Variants in CBLN2 observed in about 807,000 individuals in gnomAD.
CBLN2 encodes the protein cerebellin-2.
In CBLN2, 7 loss-of-function variants were observed where a neutral mutation model predicts 15.0. That is an observed-to-expected ratio of 0.47 (90% CI 0.27 to 0.88). The LOEUF (loss-of-function observed/expected upper bound fraction) is 0.88, where lower values mean the gene tolerates loss of function less well. CBLN2 is among the 40% of genes least tolerant of loss of function. The probability of loss-of-function intolerance (pLI) is 0.14; values close to 1 mark genes in which losing one functional copy is unlikely to be tolerated. For missense variants in CBLN2, 242 were observed against 304.5 expected (o/e 0.79, Z 1.53); for synonymous variants, 149 against 135.2 (o/e 1.10, Z -0.71).
intron 1 of CBLN2, among the ~76,000 whole-genome samples, chr18:72,628,019 T>C (rs1251241604): frequency 6.6e-6 from 1 of 152,220 alleles, no homozygotes; most frequent in East Asian, 1.9e-4. Context: ...TTATCTCCTG[T>C]GGTAAATCAT....
At chr18:72,596,566 T>C (rs902405517) in intron 1 of CBLN2, among the ~76,000 whole-genome samples, 7 of 152,202 alleles carry the variant, frequency 4.6e-5, no homozygotes, top group East Asian at 3.9e-4. Context: ...TTCTTTCAGA[T>C]TGAAGAATTT....
At chr18:72,577,006 TTA>T (rs1362278132) in intron 1 of CBLN2, among the ~76,000 whole-genome samples, 114 of 143,500 alleles carry the variant, frequency 7.9e-4, no homozygotes, top group Non-Finnish European at 1.2e-3. Flanking sequence ...ATGTGATAAT[TTA>T]TATATATAAT....
rs966116714 is a variant in CBLN2, at chr18:72,556,911, G to A, written c.16-18139C>T. Among the ~76,000 whole-genome samples the A allele has an allele frequency of 2.0e-5, 3 of 152,132 alleles. No homozygotes were observed. The South Asian group carries it at 6.2e-4, about 32-fold the overall frequency. On this transcript the variant is annotated intron_variant, in intron 1 of 2. Transcript: ENST00000581073. ...TAATAGCTAAGGATCTGAGAAAAAA[G>A]AACCAAATTATATGCAGACATAGGC...
rs1019838607 is a variant in CBLN2, at chr18:72,542,183, G to A, written c.-23C>T. ...CATCGGGACTGGTGGGAGGCGGCGC[G>A]CGGGGGTGGAGGCCGGCGCCGGCGC... is the stretch of plus-strand genomic sequence containing the variant. On this transcript the variant is annotated 5_prime_UTR_variant, in exon 3 of 5. Coordinates refer to ENST00000269503, the MANE Select transcript of CBLN2 (RefSeq NM_182511.4). 5.0e-6 allele frequency: 6 copies of A among 1,208,912 alleles called. No individual in the cohort carries two copies. The highest frequency in any genetic ancestry group is 8.3e-5 in the South Asian group (2 of 24,242). 74.9% of individuals were successfully genotyped at this position (1,208,912 alleles called of 1,614,324 possible). A position where few individuals can be genotyped will look rare whatever the true frequency, so the allele number is the denominator to read the frequency against.
intron 1 of CBLN2, among the ~76,000 whole-genome samples, chr18:72,586,961 T>TAA (rs2069447733): frequency 6.6e-6 from 1 of 152,022 alleles, no homozygotes. Context: ...TATATATATA[T>TAA]AAACCTGTTA....
At chr18:72,608,513 T>C (rs549283217) in intron 1 of CBLN2, among the ~76,000 whole-genome samples, 1 of 152,336 alleles carries the variant, frequency 6.6e-6, no homozygotes, top group African/African-American at 2.4e-5. Context: ...GATCTGATCT[T>C]ATGGATTTCA....
chr18:72,552,566 C>T (rs1237263388), intron 1 of CBLN2: 1 of 152,146 alleles, frequency 6.6e-6, no homozygotes, highest in Non-Finnish European at 1.5e-5. Context: ...AAAAGTGGAA[C>T]TCACAAAACA....
chr18:72,546,136 C>T (rs1291136383), upstream of CBLN2, among the ~76,000 whole-genome samples: 7 of 152,118 alleles, frequency 4.6e-5, no homozygotes, highest in East Asian at 1.3e-3. Context: ...AGTTGTTTCA[C>T]ATAAGAAGAT....
At chr18:72,550,255 G>T (rs2069183882) in intron 1 of CBLN2, among the ~76,000 whole-genome samples, 1 of 152,176 alleles carries the variant, frequency 6.6e-6, no homozygotes, top group Non-Finnish European at 1.5e-5. Context: ...AAAGTATATG[G>T]ATTTCCCCTC....
At position 72,614,219 on chromosome 18, in the gene CBLN2, T is replaced by G. The variant is rs72634455; in HGVS notation, c.15+24106A>C. 0.033 allele frequency among the ~76,000 whole-genome samples: 5,078 copies of G among 152,232 alleles called. 572 individuals are homozygous for G. In the East Asian group the frequency reaches 0.44, roughly 13 times the overall value. ...CTTTATAAACAAATGAAAATATGCA[T>G]TTCTCTTAAAAGCTATTTATACATT... On this transcript the variant is annotated intron_variant, in intron 1 of 2. Transcript: ENST00000581073.
intron 1 of CBLN2, among the ~76,000 whole-genome samples, chr18:72,626,612 A>G (rs2069741251): frequency 6.6e-6 from 1 of 152,194 alleles, no homozygotes; most frequent in African/African-American, 2.4e-5. Context: ...AGGTAGGAGA[A>G]TTGCTTGAAC....
At chr18:72,631,821 T>C (rs2069778762) in intron 1 of CBLN2, among the ~76,000 whole-genome samples, 1 of 152,062 alleles carries the variant, frequency 6.6e-6, no homozygotes, top group Admixed American at 6.6e-5. Context: ...GGAAATACAG[T>C]TCAAATTTAG....
chr18:72,558,585 C>G (rs1455584754), intron 1 of CBLN2, among the ~76,000 whole-genome samples: 3 of 152,118 alleles, frequency 2.0e-5, no homozygotes, highest in African/African-American at 7.2e-5. Context: ...TGGAAGTAAT[C>G]CCATTACTTC....
intron 1 of CBLN2, among the ~76,000 whole-genome samples, chr18:72,615,280 ATAT>A: frequency 3.0e-5 from 1 of 33,486 alleles, no homozygotes; most frequent in African/African-American, 4.2e-5. Flanking sequence ...ATATATATAT[ATAT>A]TTTTTTTTTG....
chr18:72,595,618 T>A (rs2069508399), intron 1 of CBLN2, among the ~76,000 whole-genome samples: 1 of 152,176 alleles, frequency 6.6e-6, no homozygotes. Flanking sequence ...GAAAGTGGAA[T>A]GTTGGCATCT....
chr18:72,586,182 C>G (rs572699247), intron 1 of CBLN2, among the ~76,000 whole-genome samples: 1 of 152,336 alleles, frequency 6.6e-6, no homozygotes, highest in Admixed American at 6.5e-5. Flanking sequence ...CCATGCCTCC[C>G]CTGCTGCAGC....
At chr18:72,618,711 C>T in intron 1 of CBLN2, 2 of 722,596 alleles carry the variant, frequency 2.8e-6, no homozygotes, top group Admixed American at 1.8e-5. Flanking sequence ...GGCGCTTTGC[C>T]TTCATAATCT....
chr18:72,562,803 A>G (rs1353667494), intron 1 of CBLN2, among the ~76,000 whole-genome samples: 1 of 152,216 alleles, frequency 6.6e-6, no homozygotes, highest in Non-Finnish European at 1.5e-5. Flanking sequence ...CGGGGTTTTT[A>G]GAAGTTGGTT....
At chr18:72,590,449 C>CA (rs893426268) in intron 1 of CBLN2, among the ~76,000 whole-genome samples, 22 of 143,142 alleles carry the variant, frequency 1.5e-4, no homozygotes, top group East Asian at 1.2e-3. Context: ...GACTCCATCT[C>CA]AAAAAAAAAA....
Sources: allele counts gnomAD v4.1 joint callset (sites outside exome capture counted in the v4.1 genomes callset), GRCh38; gene constraint gnomAD v4.1.1; transcripts MANE v1.5; gene names NCBI Gene and HGNC (gene_info 2026-07-23, HGNC 2026-07-21).